C8orf34: variants seen among roughly 807,000 people sequenced by gnomAD.
The protein encoded by C8orf34 is uncharacterized protein C8orf34.
C8orf34 carries 65 observed loss-of-function variants against 68.3 expected under a neutral mutation model. That is an observed-to-expected ratio of 0.95 (90% CI 0.78 to 1.17). The LOEUF (loss-of-function observed/expected upper bound fraction) is 1.17, where lower values mean the gene tolerates loss of function less well. C8orf34 is among the 50% of genes most tolerant of loss of function. C8orf34 has a pLI of 0.00. For synonymous variants in C8orf34, 244 were observed against 241.2 expected (o/e 1.01, Z -0.11); for missense variants, 664 against 655.4 (o/e 1.01, Z -0.14).
chr8:68,525,268 A>G (rs1814925589), intron 6 of C8orf34, among the ~76,000 whole-genome samples: 1 of 152,252 alleles, frequency 6.6e-6, no homozygotes, highest in Non-Finnish European at 1.5e-5. Flanking sequence ...ATGATGGAAT[A>G]TAAATCAAAT....
chr8:68,775,438 A>C (rs1823487425), intron 10 of C8orf34, among the ~76,000 whole-genome samples: 1 of 152,144 alleles, frequency 6.6e-6, no homozygotes, highest in East Asian at 1.9e-4. Context: ...TTGACCACCA[A>C]TGTTTAGATG....
intron 3 of C8orf34, among the ~76,000 whole-genome samples, chr8:68,467,850 T>C (rs1239892915): frequency 6.6e-6 from 1 of 152,064 alleles, no homozygotes; most frequent in African/African-American, 2.4e-5. Flanking sequence ...AGAAGTCTGG[T>C]GTCAATTTGA....
chr8:68,744,666 A>G (rs1822423948), intron 10 of C8orf34, among the ~76,000 whole-genome samples: 1 of 152,200 alleles, frequency 6.6e-6, no homozygotes, highest in African/African-American at 2.4e-5. Context: ...AAATGAAGTG[A>G]GAAGGGAAGT....
intron 7 of C8orf34, among the ~76,000 whole-genome samples, chr8:68,541,183 C>T (rs978616832): frequency 5.9e-5 from 9 of 152,076 alleles, no homozygotes; most frequent in Admixed American, 5.2e-4. Flanking sequence ...AGAGCTAGTT[C>T]CAGGCATGCT....
chr8:68,763,693 C>A (rs1238867994), intron 10 of C8orf34, among the ~76,000 whole-genome samples: 2 of 152,150 alleles, frequency 1.3e-5, no homozygotes, highest in East Asian at 1.9e-4. Context: ...GTCTTTATGT[C>A]TTCTGATGAC....
At chr8:68,756,634 G>T (rs1822869804) in intron 10 of C8orf34, among the ~76,000 whole-genome samples, 1 of 151,970 alleles carries the variant, frequency 6.6e-6, no homozygotes, top group African/African-American at 2.4e-5. Context: ...GTTTAGTTTT[G>T]CTTTTTAATT....
At chr8:68,642,096 A>C (rs1424778393) in intron 8 of C8orf34, among the ~76,000 whole-genome samples, 1 of 152,230 alleles carries the variant, frequency 6.6e-6, no homozygotes, top group East Asian at 1.9e-4. Flanking sequence ...AATAGGTAGA[A>C]AAACACAGTT....
At chr8:68,452,569 T>C (rs1436473484) in intron 3 of C8orf34, among the ~76,000 whole-genome samples, 1 of 151,282 alleles carries the variant, frequency 6.6e-6, no homozygotes, top group Non-Finnish European at 1.5e-5. Flanking sequence ...ATATCTTCTC[T>C]GGAAAAATGA....
At chr8:68,341,616 T>A (rs1046906588) in intron 1 of C8orf34, among the ~76,000 whole-genome samples, 1 of 152,100 alleles carries the variant, frequency 6.6e-6, no homozygotes, top group Non-Finnish European at 1.5e-5. Context: ...CATGGCTTGG[T>A]GCTGGCCTCA....
rs543270880 is a variant in C8orf34, at chr8:68,380,218, G to T, written c.327+48879G>T. 6.6e-5 allele frequency among the ~76,000 whole-genome samples: 10 copies of T among 152,280 alleles called. No individual in the cohort carries two copies. In the East Asian group the frequency reaches 1.9e-3, roughly 29 times the overall value. On this transcript the variant is annotated intron_variant, in intron 1 of 13. Coordinates refer to ENST00000518698, the MANE Select transcript of C8orf34 (RefSeq NM_052958.4). The stretch of plus-strand genomic sequence containing the variant: ...TATGGTTAGAGAAAATGTCTTTGAA[G>T]CCATTAAGACTCTAAATATGGCTGA...
At chr8:68,565,584 T>C (rs1816562596) in intron 7 of C8orf34, among the ~76,000 whole-genome samples, 2 of 152,160 alleles carry the variant, frequency 1.3e-5, no homozygotes, top group Non-Finnish European at 2.9e-5. Flanking sequence ...CTTTAGAAGC[T>C]AAAATAATGG....
chr8:68,547,423 A>G lies in C8orf34; in HGVS notation c.1105+14274A>G, dbSNP rs112233620. Among the ~76,000 whole-genome samples, 354 of 151,926 alleles carry G rather than the reference A, an allele frequency of 2.3e-3. 3 individuals carry two copies. Among genetic ancestry groups the G allele is most frequent in the African/African-American group, 6.7e-3 (280 of 41,540 alleles). ...CCCAAAAAGAAGACTTCCAGTTCAC[A>G]TGATTTCATTGGTAAATTCAATCAC... On this transcript the variant is annotated intron_variant, in intron 7 of 13. Transcript: ENST00000518698.
intron 1 of C8orf34, among the ~76,000 whole-genome samples, chr8:68,415,214 G>A (rs1809614644): frequency 6.6e-6 from 1 of 151,944 alleles, no homozygotes; most frequent in Non-Finnish European, 1.5e-5. Context: ...GGCACGGTGG[G>A]TCACGCCTAT....
chr8:68,598,224 A>T (rs117146196), intron 7 of C8orf34, among the ~76,000 whole-genome samples: 1,530 of 152,262 alleles, frequency 0.01, 18 homozygotes, highest in Non-Finnish European at 0.013. Flanking sequence ...GCACAGATCA[A>T]AATGAAGACA....
rs117225088 is a variant in C8orf34, at chr8:68,406,064, G to T, written c.328-33435G>T. On this transcript the variant is annotated intron_variant, in intron 1 of 13. Transcript: ENST00000518698. ...TCATTTATAGGGTGGAGAGTTGAGT[G>T]TCAGGAGGTGGGTTGTGTGGTCCTG... Among the ~76,000 whole-genome samples, 753 of 152,268 alleles carry T rather than the reference G, an allele frequency of 4.9e-3. 4 individuals carry two copies. Among genetic ancestry groups the T allele is most frequent in the Middle Eastern group, 0.014 (4 of 294 alleles).
chr8:68,393,491 G>T (rs1178658809), intron 1 of C8orf34, among the ~76,000 whole-genome samples: 1 of 152,104 alleles, frequency 6.6e-6, no homozygotes, highest in Non-Finnish European at 1.5e-5. Context: ...AGGCTGCAGT[G>T]ACAGATGGGG....
At chr8:68,608,517 A>G (rs1325125532) in intron 7 of C8orf34, among the ~76,000 whole-genome samples, 1 of 151,702 alleles carries the variant, frequency 6.6e-6, no homozygotes, top group Non-Finnish European at 1.5e-5. Context: ...CATAATGCTA[A>G]GGAACAGCAT....
chr8:68,772,134 G>A (rs1383331099), intron 10 of C8orf34, among the ~76,000 whole-genome samples: 1 of 152,100 alleles, frequency 6.6e-6, no homozygotes, highest in Non-Finnish European at 1.5e-5. Flanking sequence ...TAGAATTATT[G>A]TTTAGTTTCC....
intron 1 of C8orf34, among the ~76,000 whole-genome samples, chr8:68,340,891 A>C (rs1806041997): frequency 6.6e-6 from 1 of 152,178 alleles, no homozygotes; most frequent in African/African-American, 2.4e-5. Flanking sequence ...ATATAGACAC[A>C]AAAAACCTTA....
Sources: gnomAD v4.1 joint callset for allele counts (sites outside exome capture counted in the v4.1 genomes callset) on GRCh38, gnomAD v4.1.1 for gene constraint, MANE v1.5 for transcripts, NCBI Gene and HGNC (gene_info 2026-07-23, HGNC 2026-07-21) for gene names.